Variants in TRMT10B observed in about 807,000 individuals in gnomAD.
The protein encoded by TRMT10B is tRNA methyltransferase 10 homolog B.
In TRMT10B, 33 loss-of-function variants were observed where a neutral mutation model predicts 43.8. That is an observed-to-expected ratio of 0.75 (90% confidence interval 0.57 to 1.01). TRMT10B has a LOEUF of 1.01. Ranked by LOEUF, TRMT10B falls within the 50% of genes least tolerant of loss-of-function variation. The pLI is 0.00. For synonymous variants in TRMT10B, 137 were observed against 130.6 expected (o/e 1.05, Z -0.34); for missense variants, 362 against 369.8 (o/e 0.98, Z 0.17).
chr9:37,777,906 G>A lies in TRMT10B; in HGVS notation c.*199G>A. On this transcript the variant is annotated 3_prime_UTR_variant, in exon 9 of 9. Coordinates refer to ENST00000297994, the MANE Select transcript of TRMT10B (RefSeq NM_144964.4). ...TGTAGTCCCAGCTACTTGGGAGGCT[G>A]AGGCAGGAGAATCACTTGAACTCGG... is the stretch of plus-strand genomic sequence containing the variant. 3 of 434,072 alleles carry A rather than the reference G, an allele frequency of 6.9e-6. No homozygotes were observed. The highest frequency in any genetic ancestry group is 1.3e-5 in the Non-Finnish European group (3 of 235,434). 26.9% of individuals were successfully genotyped at this position (434,072 alleles called of 1,614,324 possible). A position where few individuals can be genotyped will look rare whatever the true frequency, so the allele number is the denominator to read the frequency against.
chr9:37,773,507 A>G (rs1481052635), intron 7 of TRMT10B, among the ~76,000 whole-genome samples: 1 of 152,192 alleles, frequency 6.6e-6, no homozygotes, highest in African/African-American at 2.4e-5. Flanking sequence ...TGATTGTATT[A>G]TTTTGAACTT....
intron 5 of TRMT10B, 174 bp from the exon 6 acceptor site, chr9:37,769,767 A>AT (rs779383730): frequency 1.9e-4 from 119 of 624,038 alleles, no homozygotes; most frequent in Non-Finnish European, 3.0e-4. Flanking sequence ...TGCCTGGCTA[A>AT]TTTTTTTGTA....
rs1828383971 is a variant in TRMT10B, at chr9:37,778,145, T to C, written c.*438T>C. On this transcript the variant is annotated 3_prime_UTR_variant, in exon 9 of 9. Transcript: ENST00000297994. ...ACATCTTCTCAGAGCTTCACAATAA[T>C]GTCAGGGACCACATTTAATGCTTTT... 6.1e-6 allele frequency: 1 copy of C among 163,082 alleles called. No individual in the cohort carries two copies. The highest frequency in any genetic ancestry group is 1.3e-5 in the Non-Finnish European group (1 of 74,906). The allele number at this position is 163,082 out of a possible 1,614,324, so 10.1% of individuals were successfully genotyped here.
upstream of TRMT10B, among the ~76,000 whole-genome samples, chr9:37,753,023 C>T (rs1457267059): frequency 6.6e-6 from 1 of 152,138 alleles, no homozygotes; most frequent in African/African-American, 2.4e-5. Flanking sequence ...CCGTGAAGAT[C>T]TGTATTTGCA....
chr9:37,776,574 C>T (rs1014387863), intron 8 of TRMT10B, 169 bp downstream of exon 8: 31 of 828,030 alleles, frequency 3.7e-5, no homozygotes, highest in Middle Eastern at 3.5e-4. Context: ...CTGTTTTCTT[C>T]GTCACCAACT....
chr9:37,776,575 G>A lies in TRMT10B; in HGVS notation c.844+170G>A, dbSNP rs7026613. 6.7e-3 allele frequency: 5,554 copies of A among 825,708 alleles called. 247 individuals are homozygous for A. The African/African-American group carries it at 0.091, about 13-fold the overall frequency. 51.1% of individuals were successfully genotyped at this position (825,708 alleles called of 1,614,324 possible). A position where few individuals can be genotyped will look rare whatever the true frequency, so the allele number is the denominator to read the frequency against. On this transcript the variant is annotated intron_variant, in intron 8 of 8. Coordinates refer to ENST00000297994, the MANE Select transcript of TRMT10B (RefSeq NM_144964.4). ...CACTAAGAGGCATTCTGTTTTCTTCGTCACCAACTATGTTAAAGATAGTTG... is the reference window on the plus strand; with the variant it reads ...CACTAAGAGGCATTCTGTTTTCTTCATCACCAACTATGTTAAAGATAGTTG...
upstream of TRMT10B, among the ~76,000 whole-genome samples, chr9:37,752,931 G>C (rs531950175): frequency 6.6e-6 from 1 of 152,318 alleles, no homozygotes; most frequent in East Asian, 1.9e-4. Context: ...TTTCTGGACT[G>C]TGGGTGCTTT....
chr9:37,755,035 C>T (rs1469377853), intron 1 of TRMT10B, among the ~76,000 whole-genome samples: 3 of 152,032 alleles, frequency 2.0e-5, no homozygotes, highest in Non-Finnish European at 4.4e-5. Context: ...CTTTGGGAGG[C>T]CCAGACAGGT....
rs1826663391 is a variant in TRMT10B, at chr9:37,763,702, A to G, written c.369A>G (p.Ser123=). The change falls in exon 4 of 9, where the codon TCA becomes TCG. Residue 123 remains serine (S), a synonymous_variant. Transcript: ENST00000297994. ...ACAAACTTTTGGAAGCCAAACACTC[A>G]GGACCAAGACTATGTATCGATTTGA... ...TKDKLLEAKH[S]GPRLCIDLSM... The G allele has an allele frequency of 1.2e-6, 2 of 1,614,084 alleles. No homozygotes were observed. Among genetic ancestry groups the G allele is most frequent in the Admixed American group, 1.7e-5 (1 of 60,006 alleles).
In TRMT10B at chr9:37,769,998, CT is replaced by C. The variant is rs1827390396; in HGVS notation, c.632del (p.Leu211ArgfsTer14). 6.2e-7 allele frequency: 1 copy of C among 1,613,816 alleles called. No individual in the cohort carries two copies. Among genetic ancestry groups the C allele is most frequent in the Non-Finnish European group, 8.5e-7 (1 of 1,179,688 alleles). On this transcript the variant is annotated frameshift_variant, in exon 6 of 9. Coordinates refer to ENST00000297994, the MANE Select transcript of TRMT10B (RefSeq NM_144964.4). LOFTEE classifies it high-confidence loss of function. ...SLFPLETLVY[L>X]TPDSEHALED... ...ATTTCCCTTGGAAACCCTTGTGTACCTGACTCCTGACTCAGAACACGGTATG... is the reference window on the plus strand; with the variant it reads ...ATTTCCCTTGGAAACCCTTGTGTACCGACTCCTGACTCAGAACACGGTATG...
At chr9:37,755,161 A>G (rs1437950585) in intron 1 of TRMT10B, among the ~76,000 whole-genome samples, 1 of 152,016 alleles carries the variant, frequency 6.6e-6, no homozygotes, top group Non-Finnish European at 1.5e-5. Flanking sequence ...AGTCCCAGCT[A>G]CTCAGGAAGC....
intron 4 of TRMT10B, among the ~76,000 whole-genome samples, chr9:37,766,581 T>A (rs972517201): frequency 6.6e-6 from 1 of 152,214 alleles, no homozygotes; most frequent in African/African-American, 2.4e-5. Flanking sequence ...TGGTTCCATA[T>A]GAACTTTAAA....
chr9:37,753,083 C>T (rs1302382405), upstream of TRMT10B, among the ~76,000 whole-genome samples: 1 of 152,068 alleles, frequency 6.6e-6, no homozygotes, highest in African/African-American at 2.4e-5. Flanking sequence ...AGCGAAGGAA[C>T]AACTCCAGGT....
rs757643822 is a variant in TRMT10B at position 37,762,620 on chromosome 9, C to G, written c.230C>G (p.Ala77Gly). Reference protein sequence around the residue: ...RKQRHWEKIVAAKKSKRKQEK... With the variant: ...RKQRHWEKIVGAKKSKRKQEK... ...CAGAGACACTGGGAAAAGATAGTTG[C>G]AGCAAAGAAGAGCAAAAGAAAGCAA... The change falls in exon 3 of 9, where the codon GCA (alanine) becomes GGA (glycine). Residue 77 changes from alanine to glycine, a missense_variant. Ala to Gly is a moderately conservative substitution (Grantham distance 60). Coordinates refer to ENST00000297994, the MANE Select transcript of TRMT10B (RefSeq NM_144964.4). 6.3e-7 allele frequency: 1 copy of G among 1,597,858 alleles called. No individual in the cohort carries two copies. The highest frequency in any genetic ancestry group is 8.5e-7 in the Non-Finnish European group (1 of 1,171,442).
At chr9:37,772,218 T>G (rs182921551) in intron 7 of TRMT10B, among the ~76,000 whole-genome samples, 2 of 152,238 alleles carry the variant, frequency 1.3e-5, no homozygotes, top group Non-Finnish European at 2.9e-5. Flanking sequence ...TCACCATGTT[T>G]TCCAGGCTGG....
chr9:37,776,190 A>G lies in TRMT10B; in HGVS notation c.721-92A>G, dbSNP rs1341575877. 4 of 1,105,980 alleles carry G rather than the reference A, an allele frequency of 3.6e-6. No individual in the cohort carries two copies. In the Admixed American group the frequency reaches 1.5e-4, roughly 43 times the overall value. The allele number at this position is 1,105,980 out of a possible 1,614,324, so 68.5% of individuals were successfully genotyped here. On this transcript the variant is annotated intron_variant, in intron 7 of 8. Coordinates refer to ENST00000297994, the MANE Select transcript of TRMT10B (RefSeq NM_144964.4). ...CATTATCTGCAGTTTCTTCCATTCC[A>G]CAATAGGCTACTTATTTTTAATGCT...
intron 6 of TRMT10B, 117 bp from the exon 7 acceptor site, chr9:37,770,553 TTC>T: frequency 1.1e-6 from 1 of 949,660 alleles, no homozygotes; most frequent in African/African-American, 1.7e-5. Context: ...TTGAGCAAGT[TTC>T]TTTTTGTTTT....
intron 1 of TRMT10B, among the ~76,000 whole-genome samples, chr9:37,755,991 G>T (rs1354942538): frequency 6.6e-6 from 1 of 152,060 alleles, no homozygotes. Flanking sequence ...GAAGTCTGTA[G>T]CTCCTAGGAT....
At chr9:37,771,945 A>G (rs2118891737) in intron 7 of TRMT10B, among the ~76,000 whole-genome samples, 1 of 152,154 alleles carries the variant, frequency 6.6e-6, no homozygotes, top group Non-Finnish European at 1.5e-5. Flanking sequence ...GGCTCAAGCA[A>G]TCCTCCCACC....
Sources: gnomAD v4.1 joint callset for allele counts (sites outside exome capture counted in the v4.1 genomes callset) on GRCh38, gnomAD v4.1.1 for gene constraint, MANE v1.5 for transcripts, NCBI Gene and HGNC (gene_info 2026-07-23, HGNC 2026-07-21) for gene names.